The following CDH12 variants were observed in gnomAD, a reference collection of about 807,000 sequenced individuals.
CDH12 encodes the protein cadherin 12.
Under a neutral mutation model 74.1 loss-of-function variants are expected in CDH12, and 41 were observed. The observed-to-expected ratio is 0.55, with a 90% CI of 0.43 to 0.72. The LOEUF (loss-of-function observed/expected upper bound fraction) is 0.72, where lower values mean the gene tolerates loss of function less well. CDH12 is among the 30% of genes least tolerant of loss of function. The probability of loss-of-function intolerance (pLI) is 0.00; values close to 1 mark genes in which losing one functional copy is unlikely to be tolerated. For synonymous variants in CDH12, 399 were observed against 355.0 expected, an observed-to-expected ratio of 1.12 and a Z score of -1.39; for missense variants, 945 against 977.2, an observed-to-expected ratio of 0.97 and a Z score of 0.44.
chr5:21,790,478 G>A (rs1362300654), intron 10 of CDH12, among the ~76,000 whole-genome samples: 1 of 152,016 alleles, frequency 6.6e-6, no homozygotes, highest in African/African-American at 2.4e-5. Flanking sequence ...GCAATGAAAT[G>A]TAGCATGAAG....
At chr5:22,231,202 C>A (rs1156660489) in intron 3 of CDH12, among the ~76,000 whole-genome samples, 1 of 151,944 alleles carries the variant, frequency 6.6e-6, no homozygotes, top group East Asian at 1.9e-4. Context: ...TAAAATTTAA[C>A]AATAAAGAGA....
intron 3 of CDH12, among the ~76,000 whole-genome samples, chr5:22,364,322 G>A (rs181723163): frequency 1.3e-5 from 2 of 152,222 alleles, no homozygotes; most frequent in East Asian, 3.9e-4. Flanking sequence ...TTTCATGAAC[G>A]ATGTAAACAA....
intron 6 of CDH12, among the ~76,000 whole-genome samples, chr5:21,957,050 CCT>C (rs952636341): frequency 1.3e-5 from 2 of 151,998 alleles, no homozygotes; most frequent in Admixed American, 6.6e-5. Flanking sequence ...TTTTCCTGCT[CCT>C]CTGTCTCCTG....
Position 22,214,945 on chromosome 5 carries a change from A to G in CDH12, c.-332-2302T>C, listed in dbSNP as rs376757982. Among the ~76,000 whole-genome samples, 21 of 152,316 alleles carry G rather than the reference A, an allele frequency of 1.4e-4. No homozygotes were observed. The East Asian group carries it at 2.3e-3, about 17-fold the overall frequency. ...TTGGAACACTAATTGATTTTATGTG[A>G]AAGTACACACATGAAGAACAAAGCA... On this transcript the variant is annotated intron_variant, in intron 3 of 14. Transcript: ENST00000382254.
intron 3 of CDH12, among the ~76,000 whole-genome samples, chr5:22,364,940 A>C (rs1373370): frequency 6.6e-6 from 1 of 152,052 alleles, no homozygotes; most frequent in East Asian, 1.9e-4. Context: ...TCATCAAAGA[A>C]AGACAGCAAC....
intron 1 of CDH12, among the ~76,000 whole-genome samples, chr5:22,638,065 C>T (rs1388587226): frequency 6.6e-6 from 1 of 152,092 alleles, no homozygotes; most frequent in African/African-American, 2.4e-5. Context: ...GTGTTAAGTT[C>T]TGGATTGAGA....
chr5:22,526,096 T>C (rs1226588111), intron 1 of CDH12, among the ~76,000 whole-genome samples: 1 of 152,136 alleles, frequency 6.6e-6, no homozygotes, highest in East Asian at 1.9e-4. Flanking sequence ...TTCACTAATA[T>C]GAAAAATATT....
At chr5:22,030,429 G>A (rs546269750) in intron 5 of CDH12, among the ~76,000 whole-genome samples, 1 of 152,276 alleles carries the variant, frequency 6.6e-6, no homozygotes, top group Admixed American at 6.5e-5. Flanking sequence ...GTGACCAGGT[G>A]CATTGTGAAT....
intron 1 of CDH12, among the ~76,000 whole-genome samples, chr5:22,804,805 A>G (rs1748702053): frequency 6.6e-6 from 1 of 152,254 alleles, no homozygotes; most frequent in South Asian, 2.1e-4. Context: ...CACATAAACC[A>G]TCACAGATGG....
At chr5:22,671,342 A>G (rs1236159737) in intron 1 of CDH12, among the ~76,000 whole-genome samples, 1 of 152,148 alleles carries the variant, frequency 6.6e-6, no homozygotes, top group African/African-American at 2.4e-5. Flanking sequence ...ACTATGCTGA[A>G]CAGCAGATCT....
chr5:22,497,310 C>G (rs535494604), intron 2 of CDH12, among the ~76,000 whole-genome samples: 60 of 152,304 alleles, frequency 3.9e-4, no homozygotes, highest in African/African-American at 1.3e-3. Flanking sequence ...TGTTCAGTTA[C>G]TGGCAAAGCT....
chr5:22,581,009 A>G (rs1159685689), intron 1 of CDH12, among the ~76,000 whole-genome samples: 1 of 152,210 alleles, frequency 6.6e-6, no homozygotes, highest in Non-Finnish European at 1.5e-5. Context: ...AAAGGACCAG[A>G]CTTTATAAAA....
intron 3 of CDH12, among the ~76,000 whole-genome samples, chr5:22,268,946 A>G (rs1026558429): frequency 2.0e-5 from 3 of 152,090 alleles, no homozygotes; most frequent in African/African-American, 7.2e-5. Context: ...AGATTGGTTA[A>G]TATAGTGGTT....
In CDH12 at chr5:22,078,635, C is replaced by A. The variant is rs899518674; in HGVS notation, c.42G>T (p.Leu14=). ...RNCLSLLLWV[L]FDGGLLTPLQ... ...GTGGTGTTAGGAGACCTCCATCAAA[C>A]AGAACCCAGAGAAGCAGGGATAAAC... Residue 14 remains leucine (L), a synonymous_variant, in exon 5 of 15, where the codon CTG becomes CTT. Coordinates refer to ENST00000382254, the MANE Select transcript of CDH12 (RefSeq NM_004061.5). The A allele has an allele frequency of 3.0e-5, 48 of 1,613,712 alleles. No individual in the cohort carries two copies. The highest frequency in any genetic ancestry group is 4.0e-5 in the Non-Finnish European group (47 of 1,179,824).
At chr5:22,141,917 C>A (rs1468505032) in intron 4 of CDH12, among the ~76,000 whole-genome samples, 1 of 152,128 alleles carries the variant, frequency 6.6e-6, no homozygotes, top group African/African-American at 2.4e-5. Context: ...ACTCAAACAT[C>A]ATTGATGAGG....
chr5:22,806,869 T>G lies in CDH12; in HGVS notation c.-523+46189A>C, dbSNP rs539140359. ...TTAAGTTATTTGTAGATTCTGGATA[T>G]TAGCCCTTTGTCAGATGGATAGATT... On this transcript the variant is annotated intron_variant, in intron 1 of 14. Transcript: ENST00000382254. Among the ~76,000 whole-genome samples, 529 of 152,326 alleles carry G rather than the reference T, an allele frequency of 3.5e-3. 8 individuals are homozygous for G. Among genetic ancestry groups the G allele is most frequent in the Non-Finnish European group, 2.2e-3 (149 of 68,024 alleles).
intron 5 of CDH12, among the ~76,000 whole-genome samples, chr5:22,049,473 A>G (rs891922962): frequency 6.6e-6 from 1 of 150,794 alleles, no homozygotes; most frequent in Non-Finnish European, 1.5e-5. Flanking sequence ...GTTTCTAGTC[A>G]TCTTCCTTTT....
chr5:22,643,606 A>G (rs938553799), intron 1 of CDH12, among the ~76,000 whole-genome samples: 3 of 152,144 alleles, frequency 2.0e-5, no homozygotes, highest in Non-Finnish European at 4.4e-5. Context: ...AGTTAAAGCT[A>G]AACTCTTGCC....
chr5:22,278,335 C>T (rs1340260588), intron 3 of CDH12, among the ~76,000 whole-genome samples: 1 of 152,164 alleles, frequency 6.6e-6, no homozygotes, highest in African/African-American at 2.4e-5. Context: ...TTTGTTGGCT[C>T]TACCACCTGG....
Sources: gnomAD v4.1 joint callset for allele counts (sites outside exome capture counted in the v4.1 genomes callset) on GRCh38, gnomAD v4.1.1 for gene constraint, MANE v1.5 for transcripts, NCBI Gene and HGNC (gene_info 2026-07-23, HGNC 2026-07-21) for gene names.